The following IVNS1ABP variants were observed in gnomAD, a reference collection of about 807,000 sequenced individuals.
The protein encoded by IVNS1ABP is influenza virus NS1A-binding protein.
IVNS1ABP carries 25 observed loss-of-function variants against 78.9 expected under a neutral mutation model. That is an observed-to-expected ratio of 0.32 (90% CI 0.23 to 0.44). The LOEUF is 0.44. Ranked by LOEUF, IVNS1ABP falls within the 20% of genes least tolerant of loss-of-function variation. IVNS1ABP has a pLI of 1.00. For missense variants in IVNS1ABP, 494 were observed against 768.9 expected (o/e 0.64, Z 4.23); for synonymous variants, 241 against 259.7 (o/e 0.93, Z 0.69).
At chr1:185,310,726 T>C (rs1009129177) in intron 2 of IVNS1ABP, among the ~76,000 whole-genome samples, 1 of 151,642 alleles carries the variant, frequency 6.6e-6, no homozygotes, top group African/African-American at 2.4e-5. Context: ...AATGTAAAAA[T>C]TAGGCAGTCA....
At chr1:185,310,666 G>A (rs1293377186) in intron 2 of IVNS1ABP, among the ~76,000 whole-genome samples, 6 of 152,036 alleles carry the variant, frequency 3.9e-5, no homozygotes, top group Admixed American at 1.3e-4. Context: ...CTTGAGCCCA[G>A]GAGTTTGAGA....
chr1:185,312,265 C>T (rs1490933542), intron 1 of IVNS1ABP, among the ~76,000 whole-genome samples: 2 of 152,222 alleles, frequency 1.3e-5, no homozygotes, highest in African/African-American at 4.8e-5. Context: ...CTCATTTTCA[C>T]ATCATCAATT....
chr1:185,298,054 G>A lies in IVNS1ABP; in HGVS notation c.1910C>T (p.Thr637Ile), dbSNP rs750061329. 7 of 1,613,410 alleles carry A rather than the reference G, an allele frequency of 4.3e-6. No homozygotes were observed. The highest frequency in any genetic ancestry group is 5.1e-6 in the Non-Finnish European group (6 of 1,179,608). ...AATTTGTTAAAACTGGAAAATCTTTGTATAGGGGCTCCATTCATTTGACTC... is the reference window on the plus strand; with the variant it reads ...AATTTGTTAAAACTGGAAAATCTTTATATAGGGGCTCCATTCATTTGACTC... ...NLESNEWSPYTKIFQF is the reference protein window; with the variant it reads ...NLESNEWSPYIKIFQF The change falls in exon 15 of 15, where the codon ACA (threonine) becomes ATA (isoleucine). Residue 637 changes from threonine (T) to isoleucine (I), a missense_variant. Transcript: ENST00000367498. The surrounding 1 kb of genome is among the most constrained non-coding windows in gnomAD (Gnocchi z 4.1).
rs1346630161 is a variant in IVNS1ABP at position 185,305,804 on chromosome 1, T to C, written c.658-161A>G. Reference sequence around the variant, plus strand: ...CGGAGGTAAAGAAAAATACATGTCATGGTGGTAAAAATTAAAAAACAAAAA... The same window carrying C: ...CGGAGGTAAAGAAAAATACATGTCACGGTGGTAAAAATTAAAAAACAAAAA... On this transcript the variant is annotated intron_variant, in intron 7 of 14. Transcript: ENST00000367498. The surrounding 1 kb of genome is among the most constrained non-coding windows in gnomAD (Gnocchi z 4.0). The C allele has an allele frequency of 4.2e-6, 3 of 707,672 alleles. No individual in the cohort carries two copies. The highest frequency in any genetic ancestry group is 6.3e-6 in the Non-Finnish European group (3 of 478,582). The allele number at this position is 707,672 out of a possible 1,614,324, so 43.8% of individuals were successfully genotyped here. A position where few individuals can be genotyped will look rare whatever the true frequency, so the allele number is the denominator to read the frequency against.
chr1:185,298,394 A>G lies in IVNS1ABP; in HGVS notation c.1676-106T>C, dbSNP rs1254903615. On this transcript the variant is annotated intron_variant, in intron 14 of 14. Coordinates refer to ENST00000367498, the MANE Select transcript of IVNS1ABP (RefSeq NM_006469.5). The surrounding 1 kb of genome is among the most constrained non-coding windows in gnomAD (Gnocchi z 4.1). ...AAAATCAGTGGTTTTAAAAATAGAA[A>G]TGCCTGTTCATTTTGTCAAAAAGAA... is the stretch of plus-strand genomic sequence containing the variant. 1 of 960,204 alleles carries G rather than the reference A, an allele frequency of 1.0e-6. No individual in the cohort carries two copies. The highest frequency in any genetic ancestry group is 1.7e-5 in the African/African-American group (1 of 59,904). The allele number at this position is 960,204 out of a possible 1,614,324, so 59.5% of individuals were successfully genotyped here. A position where few individuals can be genotyped will look rare whatever the true frequency, so the allele number is the denominator to read the frequency against.
intron 5 of IVNS1ABP, 43 bp downstream of exon 5, chr1:185,308,757 A>T: frequency 1.4e-6 from 2 of 1,423,404 alleles, no homozygotes; most frequent in Non-Finnish European, 1.9e-6. Flanking sequence ...AATCACACAA[A>T]ATAAGACTCC....
intron 1 of IVNS1ABP, among the ~76,000 whole-genome samples, chr1:185,313,532 T>C (rs764250511): frequency 1.3e-5 from 2 of 152,200 alleles, no homozygotes; most frequent in African/African-American, 2.4e-5. Context: ...TAAAACCATG[T>C]TTTTGAAAGT....
At chr1:185,306,324 G>T in intron 7 of IVNS1ABP, 1 of 457,038 alleles carries the variant, frequency 2.2e-6, no homozygotes, top group Non-Finnish European at 3.5e-6. Context: ...TTACTCCACT[G>T]CTCCACCTGC....
rs1229466846 is a variant in IVNS1ABP, at chr1:185,300,329, C to A, written c.1257G>T (p.Val419=). Residue 419 remains valine, a synonymous_variant, in exon 12 of 15, where the codon GTG becomes GTT. Coordinates refer to ENST00000367498, the MANE Select transcript of IVNS1ABP (RefSeq NM_006469.5). The stretch of plus-strand genomic sequence containing the variant: ...CTGAGTGGCCATTTGATCCACCTAC[C>A]ACATAGAGCTGGCCCTATGCCAAAA... ...QMAVLMGQLY[V]VGGSNGHSDD... 1.9e-6 allele frequency: 3 copies of A among 1,613,334 alleles called. No homozygotes were observed. The highest frequency in any genetic ancestry group is 1.7e-6 in the Non-Finnish European group (2 of 1,179,752).
chr1:185,312,099 A>G (rs1392896372), intron 1 of IVNS1ABP, among the ~76,000 whole-genome samples: 1 of 152,254 alleles, frequency 6.6e-6, no homozygotes, highest in Non-Finnish European at 1.5e-5. Context: ...CATAAAGATG[A>G]GTAATTTGTT....
In IVNS1ABP at chr1:185,300,347, T is replaced by A. The variant is rs763214704; in HGVS notation, c.1243-4A>T. ...CACCTACCACATAGAGCTGGCCCTA[T>A]GCCAAAAGTGAGAGATGAGAATTTC... On this transcript the variant is annotated splice_polypyrimidine_tract_variant and splice_region_variant and intron_variant, in intron 11 of 14. Transcript: ENST00000367498. 1 of 1,613,354 alleles carries A rather than the reference T, an allele frequency of 6.2e-7. No individual in the cohort carries two copies. Among genetic ancestry groups the A allele is most frequent in the African/African-American group, 1.3e-5 (1 of 74,868 alleles).
At chr1:185,301,349 G>A (rs1350627861) in intron 9 of IVNS1ABP, 85 bp downstream of exon 9, 1 of 1,512,150 alleles carries the variant, frequency 6.6e-7, no homozygotes, top group African/African-American at 1.4e-5. Context: ...TCCTCGAGTA[G>A]TCAATTTAAG....
chr1:185,310,894 C>T (rs1455818676), intron 2 of IVNS1ABP, among the ~76,000 whole-genome samples: 1 of 150,028 alleles, frequency 6.7e-6, no homozygotes, highest in African/African-American at 2.4e-5. Context: ...AAAAAAAAGG[C>T]AGTAAGAAAT....
At position 185,312,235 on chromosome 1, in the gene IVNS1ABP, C is replaced by T. The variant is rs1487246080; in HGVS notation, c.-246-913G>A. Among the ~76,000 whole-genome samples, 3 of 152,146 alleles carry T rather than the reference C, an allele frequency of 2.0e-5. 1 individual carries two copies. The highest frequency in any genetic ancestry group is 4.4e-5 in the Non-Finnish European group (3 of 68,028). On this transcript the variant is annotated intron_variant, in intron 1 of 14. Transcript: ENST00000367498. The stretch of plus-strand genomic sequence containing the variant: ...AACCTAATCTTCAAGGTAATCAGTC[C>T]TCCTACCTATTCTCCCTCCCTCATT...
intron 9 of IVNS1ABP, 63 bp from the exon 10 acceptor site, chr1:185,301,259 C>A: frequency 6.9e-7 from 1 of 1,450,916 alleles, no homozygotes; most frequent in East Asian, 2.3e-5. Context: ...GTATATGATC[C>A]TGAATTGGAC....
chr1:185,298,080 A>G lies in IVNS1ABP; in HGVS notation c.1884T>C (p.Leu628=). The G allele has an allele frequency of 6.2e-7, 1 of 1,613,634 alleles. No individual in the cohort carries two copies. Among genetic ancestry groups the G allele is most frequent in the Non-Finnish European group, 8.5e-7 (1 of 1,179,714 alleles). Residue 628 remains leucine, a synonymous_variant, in exon 15 of 15, where the codon CTT becomes CTC. Transcript: ENST00000367498. The surrounding 1 kb of genome is among the most constrained non-coding windows in gnomAD (Gnocchi z 4.1). ...TATAGGGGCTCCATTCATTTGACTC[A>G]AGGTTATAGACTTCCACCGTATTCA... ...EFLNTVEVYN[L]ESNEWSPYTK... is the part of the protein sequence containing the mutation.
intron 9 of IVNS1ABP, 59 bp from the exon 10 acceptor site, chr1:185,301,255 G>T: frequency 6.7e-7 from 1 of 1,489,314 alleles, no homozygotes; most frequent in Non-Finnish European, 9.3e-7. Context: ...TTGTGTATAT[G>T]ATCCTGAATT....
rs767040133 is a variant in IVNS1ABP, at chr1:185,298,053, T to C, written c.1911A>G (p.Thr637=). 1.9e-6 allele frequency: 3 copies of C among 1,613,370 alleles called. No individual in the cohort carries two copies. Among genetic ancestry groups the C allele is most frequent in the Middle Eastern group, 1.7e-4 (1 of 6,054 alleles). ...NLESNEWSPY[T]KIFQF ...AAATTTGTTAAAACTGGAAAATCTT[T>C]GTATAGGGGCTCCATTCATTTGACT... The change falls in exon 15 of 15, where the codon ACA becomes ACG. Residue 637 remains threonine (T), a synonymous_variant. Transcript: ENST00000367498. This position sits in a 1 kb window ranked among gnomAD's most constrained non-coding sequence, Gnocchi z 4.1.
intron 1 of IVNS1ABP, among the ~76,000 whole-genome samples, chr1:185,312,146 G>A (rs72724135): frequency 0.02 from 3,019 of 152,306 alleles, 54 homozygotes; most frequent in Middle Eastern, 0.048. Flanking sequence ...ACTGATGCCT[G>A]TGCTTTGTAT....
Sources: gnomAD v4.1 joint callset for allele counts (sites outside exome capture counted in the v4.1 genomes callset) on GRCh38, gnomAD v4.1.1 for gene constraint, Gnocchi (gnomAD v3.1) non-coding constraint, MANE v1.5 for transcripts, NCBI Gene and HGNC (gene_info 2026-07-23, HGNC 2026-07-21) for gene names.